ABHD12: variants seen among roughly 807,000 people sequenced by gnomAD.
The protein encoded by ABHD12 is abhydrolase domain containing 12, lysophospholipase.
ABHD12 carries 43 observed loss-of-function variants against 58.3 expected under a neutral mutation model. The observed-to-expected ratio is 0.74, with a 90% CI of 0.58 to 0.95. The LOEUF (loss-of-function observed/expected upper bound fraction) is 0.95, where lower values mean the gene tolerates loss of function less well. Among genes scored for constraint, ABHD12 ranks in the 40% least tolerant of loss-of-function variants. The pLI, the probability that ABHD12 is intolerant of heterozygous loss-of-function variation, is 0.00. For synonymous variants in ABHD12, 219 were observed against 211.2 expected (o/e 1.04, Z -0.32); for missense variants, 539 against 537.2 (o/e 1.00, Z -0.03).
intron 1 of ABHD12, among the ~76,000 whole-genome samples, chr20:25,380,560 C>T (rs932228116): frequency 3.9e-5 from 6 of 152,092 alleles, no homozygotes; most frequent in Non-Finnish European, 5.9e-5. Flanking sequence ...TTCCTTGAGC[C>T]CTCACCATTA....
intron 1 of ABHD12, among the ~76,000 whole-genome samples, chr20:25,384,457 A>C (rs1164158815): frequency 2.6e-5 from 4 of 151,890 alleles, no homozygotes; most frequent in Non-Finnish European, 5.9e-5. Flanking sequence ...ATATAAACAA[A>C]CAAAAGGCCG....
Position 25,306,180 on chromosome 20 carries a change from C to CA in ABHD12, c.950+652dup, listed in dbSNP as rs11474922. Among the ~76,000 whole-genome samples the CA allele has an allele frequency of 1.5e-3, 211 of 137,616 alleles. 1 individual carries two copies. Among genetic ancestry groups the CA allele is most frequent in the South Asian group, 4.2e-3 (18 of 4,314 alleles). The allele number at this position is 137,616 out of a possible 152,430, so 90.3% of individuals were successfully genotyped here. On this transcript the variant is annotated intron_variant, in intron 10 of 12. Coordinates refer to ENST00000339157, the MANE Select transcript of ABHD12 (RefSeq NM_001042472.3). ...AGACTCCGTCTCAAAAAAACAAAAACAAAAAAAAAAAAAAGAAGAAAAATC... is the reference window on the plus strand; with the variant it reads ...AGACTCCGTCTCAAAAAAACAAAAACAAAAAAAAAAAAAAAGAAGAAAAATC...
intron 10 of ABHD12, among the ~76,000 whole-genome samples, chr20:25,304,862 C>A (rs1200748441): frequency 6.6e-6 from 1 of 152,182 alleles, no homozygotes; most frequent in Non-Finnish European, 1.5e-5. Context: ...CCACCACACC[C>A]AGTCACAACC....
chr20:25,360,227 C>CCTTTTT (rs2089726518), intron 1 of ABHD12, among the ~76,000 whole-genome samples: 4 of 37,392 alleles, frequency 1.1e-4, no homozygotes, highest in African/African-American at 2.1e-4. Flanking sequence ...GAACACGTTA[C>CCTTTTT]TTTTTTTTTT....
intron 10 of ABHD12, among the ~76,000 whole-genome samples, chr20:25,304,212 C>T (rs901021827): frequency 2.0e-5 from 3 of 152,262 alleles, no homozygotes; most frequent in Non-Finnish European, 2.9e-5. Context: ...CTGTGTGCTC[C>T]GTGAGGGCAG....
chr20:25,390,429 A>T lies in ABHD12; in HGVS notation c.191+84T>A, dbSNP rs995609774. On this transcript the variant is annotated intron_variant, in intron 1 of 12. Coordinates refer to ENST00000339157, the MANE Select transcript of ABHD12 (RefSeq NM_001042472.3). ...GACGGCCACTCTGGGAGGGGCTGGG[A>T]GGTACCGCGGCCCCCTGCGGGACGC... is the stretch of plus-strand genomic sequence containing the variant. 14 of 1,220,754 alleles carry T rather than the reference A, an allele frequency of 1.1e-5. No homozygotes were observed. The African/African-American group carries it at 2.6e-4, about 23-fold the overall frequency. 75.6% of individuals were successfully genotyped at this position (1,220,754 alleles called of 1,614,324 possible).
At chr20:25,324,626 G>A (rs897345398) in intron 2 of ABHD12, among the ~76,000 whole-genome samples, 1 of 152,092 alleles carries the variant, frequency 6.6e-6, no homozygotes, top group Non-Finnish European at 1.5e-5. Context: ...TGACTCCCAT[G>A]TCCATGTGGC....
At chr20:25,322,381 A>ATATATATTTTTTTTTTTT in intron 3 of ABHD12, among the ~76,000 whole-genome samples, 9 of 59,282 alleles carry the variant, frequency 1.5e-4, no homozygotes, top group Non-Finnish European at 2.9e-4. Context: ...ATATATATAT[A>ATATATATTTTTTTTTTTT]TTTTTTTTTT....
At chr20:25,356,766 T>C (rs1407789593) in intron 1 of ABHD12, among the ~76,000 whole-genome samples, 1 of 152,040 alleles carries the variant, frequency 6.6e-6, no homozygotes, top group African/African-American at 2.4e-5. Context: ...TCTGCCCTAA[T>C]GGGCTGCTGT....
intron 1 of ABHD12, among the ~76,000 whole-genome samples, chr20:25,340,255 T>C (rs2089437842): frequency 6.6e-6 from 1 of 152,244 alleles, no homozygotes; most frequent in African/African-American, 2.4e-5. Context: ...CATGTTGCTA[T>C]AAACAATATT....
chr20:25,322,381 A>ATATATAT, intron 3 of ABHD12, among the ~76,000 whole-genome samples: 685 of 59,260 alleles, frequency 0.012, 41 homozygotes, highest in African/African-American at 0.054. Flanking sequence ...ATATATATAT[A>ATATATAT]TTTTTTTTTT....
chr20:25,365,780 G>C (rs1185947061), intron 1 of ABHD12, among the ~76,000 whole-genome samples: 3 of 152,200 alleles, frequency 2.0e-5, no homozygotes, highest in African/African-American at 7.2e-5. Flanking sequence ...CAGGTGCAGG[G>C]CCTCACACCT....
Position 25,300,218 on chromosome 20 carries a change from A to AC in ABHD12, c.*626dup. On this transcript the variant is annotated 3_prime_UTR_variant, in exon 13 of 13. Coordinates refer to ENST00000339157, the MANE Select transcript of ABHD12 (RefSeq NM_001042472.3). The stretch of plus-strand genomic sequence containing the variant: ...CGCGCTGCAGAGAGACAAAAGGACC[A>AC]CCACCACGATTTTATTCTTAAATAA... 1 of 997,856 alleles carries AC rather than the reference A, an allele frequency of 1.0e-6. No individual in the cohort carries two copies. 61.8% of individuals were successfully genotyped at this position (997,856 alleles called of 1,614,324 possible).
At chr20:25,318,251 G>A (rs1218909525) in intron 4 of ABHD12, among the ~76,000 whole-genome samples, 1 of 152,186 alleles carries the variant, frequency 6.6e-6, no homozygotes, top group Non-Finnish European at 1.5e-5. Context: ...GGAGGCTGAG[G>A]TTGCAGTGAG....
intron 1 of ABHD12, among the ~76,000 whole-genome samples, chr20:25,389,064 C>T (rs2090134858): frequency 6.6e-6 from 1 of 152,028 alleles, no homozygotes; most frequent in Admixed American, 6.5e-5. Context: ...CCTCGGTCTC[C>T]CAGAGTGCTG....
chr20:25,300,668 G>A lies in ABHD12; in HGVS notation c.*177C>T, dbSNP rs889909532. On this transcript the variant is annotated 3_prime_UTR_variant, in exon 13 of 13. Transcript: ENST00000339157. ...TCCACACAGCCATGCTCAGGCCTCCGGGCACTGCAGGCCTGCAGGGGCCTC... is the reference window on the plus strand; with the variant it reads ...TCCACACAGCCATGCTCAGGCCTCCAGGCACTGCAGGCCTGCAGGGGCCTC... The A allele has an allele frequency of 1.1e-5, 16 of 1,514,204 alleles. No homozygotes were observed. In the East Asian group the frequency reaches 2.2e-4, roughly 21 times the overall value. 93.8% of individuals were successfully genotyped at this position (1,514,204 alleles called of 1,614,324 possible). A position where few individuals can be genotyped will look rare whatever the true frequency, so the allele number is the denominator to read the frequency against.
intron 11 of ABHD12, 127 bp downstream of exon 11, chr20:25,303,423 C>T (rs913215810): frequency 6.5e-7 from 1 of 1,531,024 alleles, no homozygotes; most frequent in African/African-American, 1.4e-5. Flanking sequence ...CCTGACGTGG[C>T]TGGTGCGCAG....
intron 2 of ABHD12, among the ~76,000 whole-genome samples, chr20:25,334,413 C>A (rs1233889640): frequency 3.3e-4 from 49 of 147,892 alleles, no homozygotes; most frequent in Admixed American, 8.0e-4. Flanking sequence ...CCATCCCCAT[C>A]AAGCTACCAA....
At position 25,309,532 on chromosome 20, in the gene ABHD12, G is replaced by C. The variant is rs1213193783; in HGVS notation, c.663C>G (p.Thr221=). 6.2e-7 allele frequency: 1 copy of C among 1,614,190 alleles called. No homozygotes were observed. The highest frequency in any genetic ancestry group is 1.1e-5 in the South Asian group (1 of 91,088). The stretch of plus-strand genomic sequence containing the variant: ...AGTCAAAAACGTGGAGTGCGTCATA[G>C]GTCATGCCCCGCTCAGATGGCGTTC... ...SVGTPSERGM[T]YDALHVFDWI... The change falls in exon 7 of 13, where the codon ACC becomes ACG. Residue 221 remains threonine, a synonymous_variant. Coordinates refer to ENST00000339157, the MANE Select transcript of ABHD12 (RefSeq NM_001042472.3).
Sources: allele counts gnomAD v4.1 joint callset (sites outside exome capture counted in the v4.1 genomes callset), GRCh38; gene constraint gnomAD v4.1.1; transcripts MANE v1.5; gene names NCBI Gene and HGNC (gene_info 2026-07-23, HGNC 2026-07-21).